KCNB2: variants seen among roughly 807,000 people sequenced by gnomAD.
KCNB2 encodes the protein delayed rectifier potassium channel protein.
A neutral mutation model predicts 61.5 loss-of-function variants in KCNB2; 15 were observed. The observed-to-expected ratio is 0.24, with a 90% CI of 0.16 to 0.38. The LOEUF (loss-of-function observed/expected upper bound fraction) is 0.38. KCNB2 is among the 10% of genes least tolerant of loss of function. The pLI is 1.00. For synonymous variants in KCNB2, 457 were observed against 446.0 expected, an observed-to-expected ratio of 1.02 and a Z score of -0.31; for missense variants, 828 against 1,125.2, an observed-to-expected ratio of 0.74 and a Z score of 3.78.
chr8:72,584,952 C>T (rs764340489), intron 2 of KCNB2, among the ~76,000 whole-genome samples: 3 of 152,092 alleles, frequency 2.0e-5, no homozygotes, highest in Non-Finnish European at 4.4e-5. Context: ...AGGTTGAAGT[C>T]GTTTGGAGGA....
chr8:72,850,001 CTT>C (rs1314525877), intron 2 of KCNB2, among the ~76,000 whole-genome samples: 1 of 152,146 alleles, frequency 6.6e-6, no homozygotes, highest in Non-Finnish European at 1.5e-5. Context: ...TCTAGTCTGT[CTT>C]TGTATCCCAA....
At chr8:72,616,664 T>A (rs1390693517) in intron 2 of KCNB2, among the ~76,000 whole-genome samples, 1 of 152,236 alleles carries the variant, frequency 6.6e-6, no homozygotes, top group African/African-American at 2.4e-5. Flanking sequence ...TGAAATTTTC[T>A]TATCTGTGTA....
intron 1 of KCNB2, among the ~76,000 whole-genome samples, chr8:72,553,393 G>C (rs1208779151): frequency 2.0e-5 from 3 of 151,892 alleles, no homozygotes; most frequent in African/African-American, 7.3e-5. Flanking sequence ...TGTTTAGAAG[G>C]CAAAAATCTG....
intron 2 of KCNB2, among the ~76,000 whole-genome samples, chr8:72,729,379 T>G (rs1807703653): frequency 6.6e-6 from 1 of 152,196 alleles, no homozygotes; most frequent in African/African-American, 2.4e-5. Flanking sequence ...AAAAACTGAC[T>G]CTTAAATGCA....
intron 2 of KCNB2, among the ~76,000 whole-genome samples, chr8:72,848,308 G>A (rs1810035336): frequency 6.6e-6 from 1 of 152,124 alleles, no homozygotes; most frequent in Non-Finnish European, 1.5e-5. Flanking sequence ...TTGAATTGTT[G>A]GCTTTGGTTT....
chr8:72,841,361 C>CTTTTTTTTTTTTTT lies in KCNB2; in HGVS notation c.580-94564_580-94563insTTTTTTTTTTTTTT, dbSNP rs796222096. ...GATACCTCCAACTTTGTTTTCTTTT[C>CTTTTTTTTTTTTTT]TTTTTTTTTTCTTTTTTTTTTTTTT... On this transcript the variant is annotated intron_variant, in intron 2 of 2. Coordinates refer to ENST00000523207, the MANE Select transcript of KCNB2 (RefSeq NM_004770.3). Among the ~76,000 whole-genome samples the CTTTTTTTTTTTTTT allele has an allele frequency of 7.6e-5, 5 of 66,192 alleles. 1 individual carries two copies. Among genetic ancestry groups the CTTTTTTTTTTTTTT allele is most frequent in the Admixed American group, 3.0e-4 (2 of 6,638 alleles). 43.4% of individuals were successfully genotyped at this position (66,192 alleles called of 152,430 possible). A position where few individuals can be genotyped will look rare whatever the true frequency, so the allele number is the denominator to read the frequency against.
chr8:72,902,353 T>G (rs990322694), intron 2 of KCNB2, among the ~76,000 whole-genome samples: 1 of 151,892 alleles, frequency 6.6e-6, no homozygotes, highest in Non-Finnish European at 1.5e-5. Flanking sequence ...GCCAGAGAGA[T>G]ATGAAGCTGT....
At chr8:72,621,489 C>T (rs1805712451) in intron 2 of KCNB2, among the ~76,000 whole-genome samples, 1 of 152,174 alleles carries the variant, frequency 6.6e-6, no homozygotes, top group Non-Finnish European at 1.5e-5. Context: ...ATAGTAATGA[C>T]ATCACTTGAC....
chr8:72,644,723 G>C (rs1026147598), intron 2 of KCNB2, among the ~76,000 whole-genome samples: 11 of 152,024 alleles, frequency 7.2e-5, no homozygotes, highest in African/African-American at 2.7e-4. Context: ...GATTTGTTGA[G>C]TACAACTTTC....
chr8:72,786,085 G>T (rs917034623), intron 2 of KCNB2, among the ~76,000 whole-genome samples: 1 of 149,046 alleles, frequency 6.7e-6, no homozygotes, highest in Admixed American at 6.7e-5. Context: ...GACTTCACTC[G>T]CATTTTCACA....
intron 2 of KCNB2, among the ~76,000 whole-genome samples, chr8:72,927,758 A>G (rs1467164024): frequency 6.6e-6 from 1 of 152,208 alleles, no homozygotes; most frequent in Non-Finnish European, 1.5e-5. Context: ...CCTTATATGC[A>G]GCAGTCCTGA....
At chr8:72,859,478 C>T (rs1175857958) in intron 2 of KCNB2, among the ~76,000 whole-genome samples, 5 of 151,984 alleles carry the variant, frequency 3.3e-5, no homozygotes, top group Non-Finnish European at 5.9e-5. Flanking sequence ...TTCTTTACCC[C>T]GAGAAAGGAA....
chr8:72,881,653 G>C (rs1447136848), intron 2 of KCNB2: 1 of 150,224 alleles, frequency 6.7e-6, no homozygotes, highest in African/African-American at 2.4e-5. Context: ...AGTACTATCA[G>C]AAGTTAGATG....
At chr8:72,559,518 G>C (rs1313901840) in intron 1 of KCNB2, among the ~76,000 whole-genome samples, 1 of 152,136 alleles carries the variant, frequency 6.6e-6, no homozygotes, top group Non-Finnish European at 1.5e-5. Flanking sequence ...TGACCTGCTG[G>C]GGTTTGGGCT....
chr8:72,569,995 T>C (rs1468954761), intron 2 of KCNB2, among the ~76,000 whole-genome samples: 1 of 152,120 alleles, frequency 6.6e-6, no homozygotes, highest in Non-Finnish European at 1.5e-5. Flanking sequence ...AAATTTAAGA[T>C]ATATGTATAT....
At chr8:72,747,194 C>G (rs1808089694) in intron 2 of KCNB2, among the ~76,000 whole-genome samples, 1 of 152,138 alleles carries the variant, frequency 6.6e-6, no homozygotes, top group Non-Finnish European at 1.5e-5. Flanking sequence ...GGAGCAGAAG[C>G]CACTGTTGTG....
At chr8:72,615,658 G>C (rs1805608500) in intron 2 of KCNB2, among the ~76,000 whole-genome samples, 1 of 152,172 alleles carries the variant, frequency 6.6e-6, no homozygotes, top group African/African-American at 2.4e-5. Flanking sequence ...ATTACTAAGA[G>C]CGAATAATGT....
intron 2 of KCNB2, among the ~76,000 whole-genome samples, chr8:72,706,211 T>TCCCTC (rs931804159): frequency 6.6e-6 from 1 of 152,142 alleles, no homozygotes; most frequent in African/African-American, 2.4e-5. Context: ...CTCTGATCCT[T>TCCCTC]CCCTCCTCTC....
chr8:72,676,449 T>C (rs1002578523), intron 2 of KCNB2, among the ~76,000 whole-genome samples: 2 of 151,658 alleles, frequency 1.3e-5, no homozygotes, highest in Admixed American at 1.3e-4. Flanking sequence ...CTGCCCTCTC[T>C]GGTTCCTATA....
Sources: allele counts gnomAD v4.1 joint callset (sites outside exome capture counted in the v4.1 genomes callset), GRCh38; gene constraint gnomAD v4.1.1; transcripts MANE v1.5; gene names NCBI Gene and HGNC (gene_info 2026-07-23, HGNC 2026-07-21).